DGKB: variants seen among roughly 807,000 people sequenced by gnomAD.
The protein encoded by DGKB is 90 kDa diacylglycerol kinase.
In DGKB, 67 loss-of-function variants were observed where a neutral mutation model predicts 114.3. That is an observed-to-expected ratio of 0.59 (90% CI 0.48 to 0.72). The LOEUF (loss-of-function observed/expected upper bound fraction) is 0.72. Among genes scored for constraint, DGKB ranks in the 30% least tolerant of loss-of-function variants. The probability of loss-of-function intolerance (pLI) is 0.00; values close to 1 mark genes in which losing one functional copy is unlikely to be tolerated. For missense variants in DGKB, 907 were observed against 975.2 expected, an observed-to-expected ratio of 0.93 and a Z score of 0.93; for synonymous variants, 398 against 323.1, an observed-to-expected ratio of 1.23 and a Z score of -2.49.
intron 23 of DGKB, among the ~76,000 whole-genome samples, chr7:14,247,521 T>A (rs775873245): frequency 5.9e-5 from 9 of 152,080 alleles, no homozygotes; most frequent in Non-Finnish European, 7.4e-5. Flanking sequence ...TTATCTTTAG[T>A]CTTTTTGATC....
intron 21 of DGKB, among the ~76,000 whole-genome samples, chr7:14,352,783 C>G (rs900609227): frequency 6.6e-6 from 1 of 151,840 alleles, no homozygotes; most frequent in Non-Finnish European, 1.5e-5. Context: ...ATTAGCCCAG[C>G]GTGGTGGCGC....
chr7:14,973,527 G>GTTTTTTTTTTTTTTTTTTTTTTTTTTTT (rs11300261), intron 1 of DGKB, among the ~76,000 whole-genome samples: 1 of 137,300 alleles, frequency 7.3e-6, no homozygotes, highest in African/African-American at 2.7e-5. Context: ...TTGTTTTTTT[G>GTTTTTTTTTTTTTTTTTTTTTTTTTTTT]TTTTTTTTTT....
At chr7:14,269,534 C>T (rs38261) in intron 23 of DGKB, among the ~76,000 whole-genome samples, 84,843 of 151,890 alleles carry the variant, frequency 0.56, 26,373 homozygotes, top group East Asian at 0.99. Context: ...TATATTCTTA[C>T]ATTTATCTGA....
intron 21 of DGKB, among the ~76,000 whole-genome samples, chr7:14,435,022 C>T (rs1202720802): frequency 6.6e-6 from 1 of 152,044 alleles, no homozygotes; most frequent in Non-Finnish European, 1.5e-5. Context: ...TTATATTTCC[C>T]ATCACATTGA....
chr7:14,205,568 A>G (rs544123706), intron 23 of DGKB, among the ~76,000 whole-genome samples: 66 of 152,118 alleles, frequency 4.3e-4, no homozygotes, highest in African/African-American at 1.5e-3. Flanking sequence ...AGTGGATTCT[A>G]CATAAACATG....
chr7:14,644,395 T>C (rs1282228835), intron 13 of DGKB, among the ~76,000 whole-genome samples: 1 of 152,106 alleles, frequency 6.6e-6, no homozygotes, highest in African/African-American at 2.4e-5. Flanking sequence ...ATCTATAAAC[T>C]ACTTGAAAGG....
chr7:14,456,903 C>T (rs866931446), intron 21 of DGKB, among the ~76,000 whole-genome samples: 1 of 152,058 alleles, frequency 6.6e-6, no homozygotes. Flanking sequence ...AAATAATCAT[C>T]ATCTTTGTTA....
intron 21 of DGKB, among the ~76,000 whole-genome samples, chr7:14,471,995 G>C (rs1781486619): frequency 6.6e-6 from 1 of 152,118 alleles, no homozygotes; most frequent in Non-Finnish European, 1.5e-5. Context: ...CAGATACTTT[G>C]AAATAAGCTG....
At chr7:14,771,767 A>C (rs1047629600) in intron 2 of DGKB, among the ~76,000 whole-genome samples, 2 of 152,192 alleles carry the variant, frequency 1.3e-5, no homozygotes, top group Non-Finnish European at 2.9e-5. Context: ...AAAAATCCAC[A>C]TTCAATAGAG....
At chr7:14,843,109 G>C (rs181541897) in intron 1 of DGKB, among the ~76,000 whole-genome samples, 77 of 151,728 alleles carry the variant, frequency 5.1e-4, no homozygotes, top group African/African-American at 1.6e-3. Flanking sequence ...GGGGAATAGT[G>C]GGGGAGCTGA....
chr7:14,289,525 G>A (rs1801401753), intron 23 of DGKB, among the ~76,000 whole-genome samples: 1 of 152,108 alleles, frequency 6.6e-6, no homozygotes, highest in East Asian at 1.9e-4. Flanking sequence ...GATGTATATT[G>A]TCTAATAACA....
chr7:14,846,932 T>A (rs1848699827), intron 1 of DGKB, among the ~76,000 whole-genome samples: 2 of 151,596 alleles, frequency 1.3e-5, no homozygotes, highest in Non-Finnish European at 2.9e-5. Flanking sequence ...AAGTGTAGAT[T>A]TATAAGTAAT....
intron 19 of DGKB, 104 bp from the exon 20 acceptor site, chr7:14,574,476 A>G (rs1798834812): frequency 5.3e-6 from 5 of 949,570 alleles, no homozygotes; most frequent in Non-Finnish European, 7.7e-6. Context: ...TCTAAAGGTA[A>G]ATAATGATTT....
intron 21 of DGKB, among the ~76,000 whole-genome samples, chr7:14,420,984 G>C (rs1302259596): frequency 2.0e-5 from 3 of 152,020 alleles, no homozygotes; most frequent in Non-Finnish European, 2.9e-5. Context: ...ATGGAAAATG[G>C]AAAGTACCTC....
At chr7:14,654,050 G>A (rs1185605237) in intron 13 of DGKB, among the ~76,000 whole-genome samples, 1 of 151,926 alleles carries the variant, frequency 6.6e-6, no homozygotes, top group Non-Finnish European at 1.5e-5. Context: ...TTTGGCAACA[G>A]GATGAAATAA....
intron 1 of DGKB, among the ~76,000 whole-genome samples, chr7:14,961,434 T>C (rs1024450666): frequency 2.6e-5 from 4 of 152,118 alleles, no homozygotes; most frequent in African/African-American, 7.2e-5. Flanking sequence ...GTTTAGTAAG[T>C]TGATTAAAGT....
chr7:14,164,144 A>T (rs1784314782), intron 25 of DGKB, among the ~76,000 whole-genome samples: 1 of 152,202 alleles, frequency 6.6e-6, no homozygotes, highest in Non-Finnish European at 1.5e-5. Context: ...CATCAGGAAA[A>T]TACTAATTAT....
In DGKB at chr7:14,594,888, C is replaced by T. The variant is rs1802299865; in HGVS notation, c.1434-11751G>A. ...ATGAAATGGCACCTGTATCTATCCACTTATTTAATTTAAATGTAGTAACTG... is the reference window on the plus strand; with the variant it reads ...ATGAAATGGCACCTGTATCTATCCATTTATTTAATTTAAATGTAGTAACTG... On this transcript the variant is annotated intron_variant, in intron 17 of 25. Transcript: ENST00000402815. Among the ~76,000 whole-genome samples the T allele has an allele frequency of 3.9e-5, 6 of 152,088 alleles. No homozygotes were observed. The South Asian group carries it at 1.2e-3, about 31-fold the overall frequency.
chr7:14,446,006 A>T (rs965135547), intron 21 of DGKB, among the ~76,000 whole-genome samples: 8 of 152,150 alleles, frequency 5.3e-5, no homozygotes, highest in African/African-American at 1.9e-4. Context: ...ACTATAATTT[A>T]TAACATAAGG....
Sources: gnomAD v4.1 joint callset for allele counts (sites outside exome capture counted in the v4.1 genomes callset) on GRCh38, gnomAD v4.1.1 for gene constraint, MANE v1.5 for transcripts, NCBI Gene and HGNC (gene_info 2026-07-23, HGNC 2026-07-21) for gene names.